Variants in RAD51C observed in about 807,000 individuals in gnomAD.
The protein encoded by RAD51C is DNA repair protein RAD51 homolog 3.
A neutral mutation model predicts 45.0 loss-of-function variants in RAD51C; 42 were observed. The ratio of observed to expected loss-of-function variants is 0.93; its 90% CI spans 0.73 to 1.21. The LOEUF is 1.21. Among genes scored for constraint, RAD51C ranks in the 50% most tolerant of loss-of-function variants. The pLI, the probability that RAD51C is intolerant of heterozygous loss-of-function variation, is 0.00. For missense variants in RAD51C, 474 were observed against 452.2 expected (o/e 1.05, Z -0.44); for synonymous variants, 172 against 159.8 (o/e 1.08, Z -0.58).
Position 58,702,936 on chromosome 17 carries a change from C to T in RAD51C, c.572-260C>T, listed in dbSNP as rs112331328. Among the ~76,000 whole-genome samples, 6 of 152,220 alleles carry T rather than the reference C, an allele frequency of 3.9e-5. No homozygotes were observed. In the South Asian group the frequency reaches 8.3e-4, roughly 21 times the overall value. On this transcript the variant is annotated intron_variant, in intron 3 of 8. Coordinates refer to ENST00000337432, the MANE Select transcript of RAD51C (RefSeq NM_058216.3). Reference sequence around the variant, plus strand: ...TAGGAGATATACCTAATATAAATGACGAGTTAATGGGTACAGCACACCAAA... The same window carrying T: ...TAGGAGATATACCTAATATAAATGATGAGTTAATGGGTACAGCACACCAAA...
intron 6 of RAD51C, among the ~76,000 whole-genome samples, chr17:58,721,531 G>A (rs973491352): frequency 2.0e-5 from 3 of 152,044 alleles, no homozygotes; most frequent in East Asian, 3.9e-4. Flanking sequence ...AGGCTGAGGC[G>A]GGTGGATCAC....
At chr17:58,698,360 A>G (rs2048093791) in intron 3 of RAD51C, among the ~76,000 whole-genome samples, 3 of 150,544 alleles carry the variant, frequency 2.0e-5, no homozygotes, top group Admixed American at 2.0e-4. Context: ...TTTTTTTTGT[A>G]TTTTTAGTAG....
At chr17:58,732,041 C>T (rs538009037) in intron 7 of RAD51C, among the ~76,000 whole-genome samples, 1 of 152,148 alleles carries the variant, frequency 6.6e-6, no homozygotes, top group Admixed American at 6.5e-5. Flanking sequence ...AGCAAGCAAC[C>T]TTTACCTTGT....
At chr17:58,731,912 A>G (rs1011478265) in intron 7 of RAD51C, among the ~76,000 whole-genome samples, 7 of 152,242 alleles carry the variant, frequency 4.6e-5, no homozygotes, top group Non-Finnish European at 8.8e-5. Context: ...ATGTCGTCCT[A>G]GCTATTTTTA....
At chr17:58,733,714 TC>T (rs2049537845) in intron 8 of RAD51C, among the ~76,000 whole-genome samples, 1 of 152,186 alleles carries the variant, frequency 6.6e-6, no homozygotes, top group Admixed American at 6.5e-5. Context: ...TAAATTTCTA[TC>T]TCAAGAACTT....
At chr17:58,694,788 A>G in intron 1 of RAD51C, 143 bp from the exon 2 acceptor site, 1 of 905,894 alleles carries the variant, frequency 1.1e-6, no homozygotes, top group Non-Finnish European at 1.8e-6. Flanking sequence ...CTGAAAAATT[A>G]AATGGTTGAT....
At chr17:58,726,852 GCT>G (rs140775692) in intron 7 of RAD51C, among the ~76,000 whole-genome samples, 37,605 of 151,752 alleles carry the variant, frequency 0.25, 5,389 homozygotes, top group Middle Eastern at 0.42. Flanking sequence ...ACGGAGTCTC[GCT>G]CTGTCGCCCA....
intron 3 of RAD51C, among the ~76,000 whole-genome samples, chr17:58,698,991 G>A (rs2048116429): frequency 6.6e-6 from 1 of 151,440 alleles, no homozygotes; most frequent in African/African-American, 2.4e-5. Context: ...AATGGCTTAT[G>A]GGTTGACTGT....
chr17:58,711,824 TCTTA>T (rs1317499284), intron 5 of RAD51C, among the ~76,000 whole-genome samples: 2 of 152,142 alleles, frequency 1.3e-5, no homozygotes, highest in Non-Finnish European at 2.9e-5. Flanking sequence ...ACTTTCCCTC[TCTTA>T]CTTTATAATT....
At chr17:58,716,947 C>A (rs978260282) in intron 5 of RAD51C, among the ~76,000 whole-genome samples, 6 of 151,980 alleles carry the variant, frequency 3.9e-5, no homozygotes, top group Non-Finnish European at 7.4e-5. Context: ...ACTACAGGCA[C>A]ACACCACCAC....
intron 6 of RAD51C, among the ~76,000 whole-genome samples, chr17:58,721,867 G>C (rs143018180): frequency 1.4e-4 from 21 of 152,208 alleles, no homozygotes; most frequent in African/African-American, 5.1e-4. Flanking sequence ...ACAGGGTACT[G>C]TACAAAGGAC....
intron 5 of RAD51C, among the ~76,000 whole-genome samples, chr17:58,720,510 G>T (rs1488441623): frequency 6.6e-6 from 1 of 151,694 alleles, no homozygotes; most frequent in African/African-American, 2.4e-5. Context: ...TTGCTCTTTT[G>T]TCCAGGCTGG....
intron 4 of RAD51C, chr17:58,706,381 G>T: frequency 4.0e-6 from 1 of 249,658 alleles, no homozygotes; most frequent in Non-Finnish European, 8.7e-6. Context: ...AGTGACATGA[G>T]ATCATGCCAC....
Position 58,696,671 on chromosome 17 carries a change from T to G in RAD51C, c.405-22T>G, listed in dbSNP as rs201382713. 1.0e-4 allele frequency: 164 copies of G among 1,614,102 alleles called. 1 individual carries two copies. The Admixed American group carries it at 1.2e-3, about 12-fold the overall frequency. ...TTAGATCATCATCATGATTTGGTTG[T>G]TTGTCATCTTTCTGTTGACAGTATG... is the stretch of plus-strand genomic sequence containing the variant. On this transcript the variant is annotated intron_variant, in intron 2 of 8. Coordinates refer to ENST00000337432, the MANE Select transcript of RAD51C (RefSeq NM_058216.3).
At chr17:58,732,645 A>G (rs2049479806) in intron 8 of RAD51C, 101 bp downstream of exon 8, 3 of 1,113,806 alleles carry the variant, frequency 2.7e-6, no homozygotes, top group South Asian at 1.3e-5. Flanking sequence ...GTAGGCAGCA[A>G]GCATATTTGA....
At chr17:58,705,948 C>G (rs1407966097) in intron 4 of RAD51C, 1 of 152,034 alleles carries the variant, frequency 6.6e-6, no homozygotes, top group Non-Finnish European at 1.5e-5. Context: ...TTATCTAAAT[C>G]AGAGATTGGT....
intron 3 of RAD51C, among the ~76,000 whole-genome samples, chr17:58,702,116 C>T (rs1212707866): frequency 6.6e-6 from 1 of 151,906 alleles, no homozygotes; most frequent in Non-Finnish European, 1.5e-5. Flanking sequence ...TCACCTTAAC[C>T]TCCTGAGTAG....
At chr17:58,705,226 T>G (rs1383247047) in intron 4 of RAD51C, among the ~76,000 whole-genome samples, 1 of 152,128 alleles carries the variant, frequency 6.6e-6, no homozygotes, top group African/African-American at 2.4e-5. Context: ...TCTAGCTGAT[T>G]CAGTTTCTGG....
At chr17:58,721,615 T>C (rs1175570593) in intron 6 of RAD51C, among the ~76,000 whole-genome samples, 4 of 151,120 alleles carry the variant, frequency 2.6e-5, no homozygotes, top group Non-Finnish European at 5.9e-5. Context: ...CAAAATTAGA[T>C]GAGCATGGTG....
Sources: gnomAD v4.1 joint callset for allele counts (sites outside exome capture counted in the v4.1 genomes callset) on GRCh38, gnomAD v4.1.1 for gene constraint, MANE v1.5 for transcripts, NCBI Gene and HGNC (gene_info 2026-07-23, HGNC 2026-07-21) for gene names.